GAB2: variants seen among roughly 807,000 people sequenced by gnomAD.
GAB2 encodes GRB2-associated-binding protein 2.
GAB2 carries 26 observed loss-of-function variants against 65.5 expected under a neutral mutation model. The observed-to-expected ratio is 0.40, with a 90% CI of 0.29 to 0.55. GAB2 has a LOEUF of 0.55. Among genes scored for constraint, GAB2 ranks in the 20% least tolerant of loss-of-function variants. The pLI is 0.53. For synonymous variants in GAB2, 321 were observed against 329.6 expected (o/e 0.97, Z 0.28); for missense variants, 884 against 875.8 (o/e 1.01, Z -0.12).
rs1565411112 is a variant in GAB2 at position 78,216,215 on chromosome 11, A to C, written c.*3057T>G. ...CATCTCCCTATTTCTCATCGTTCTC[A>C]CTTGACTTAACCTTGCAGAAGTGGA... On this transcript the variant is annotated 3_prime_UTR_variant, in exon 10 of 10. Coordinates refer to ENST00000361507, the MANE Select transcript of GAB2 (RefSeq NM_080491.3). 3.9e-5 allele frequency: 6 copies of C among 152,360 alleles called. No individual in the cohort carries two copies. 9.4% of individuals were successfully genotyped at this position (152,360 alleles called of 1,614,324 possible).
rs529287956 is a variant in GAB2, at chr11:78,365,613, T to A, written c.75+52033A>T. 3.9e-5 allele frequency among the ~76,000 whole-genome samples: 6 copies of A among 152,198 alleles called. 1 individual carries two copies. Among genetic ancestry groups the A allele is most frequent in the African/African-American group, 1.4e-4 (6 of 41,518 alleles). On this transcript the variant is annotated intron_variant, in intron 1 of 9. Transcript: ENST00000361507. ...AATGAAGTACAGTCACTGATTGGGA[T>A]TGATTGTTACTGTGGAGCTGGGTGG...
At chr11:78,239,870 TG>T (rs1865080257) in intron 3 of GAB2, among the ~76,000 whole-genome samples, 2 of 152,164 alleles carry the variant, frequency 1.3e-5, no homozygotes, top group Non-Finnish European at 2.9e-5. Flanking sequence ...ATCTTGGAAT[TG>T]GAACTATGGC....
chr11:78,406,830 C>T (rs1019643431), intron 1 of GAB2, among the ~76,000 whole-genome samples: 4 of 152,148 alleles, frequency 2.6e-5, no homozygotes, highest in East Asian at 3.9e-4. Context: ...CAGGTACAAA[C>T]ATGCTTGGAA....
intron 2 of GAB2, among the ~76,000 whole-genome samples, chr11:78,252,254 G>A (rs1343390206): frequency 1.3e-5 from 2 of 152,204 alleles, no homozygotes; most frequent in Admixed American, 1.3e-4. Flanking sequence ...AACAGAAAAA[G>A]CTGATGGGCC....
In GAB2 at chr11:78,401,505, CGTGTGTGTGT is replaced by C. The variant is rs34474918; in HGVS notation, c.75+16131_75+16140del. ...TTCCCTTTTAAGGCTGAACAGTATT[CGTGTGTGTGT>C]GTGTGTGTGTGTGTGTGTGTGTGTG... On this transcript the variant is annotated intron_variant, in intron 1 of 9. Coordinates refer to ENST00000361507, the MANE Select transcript of GAB2 (RefSeq NM_080491.3). Among the ~76,000 whole-genome samples the C allele has an allele frequency of 8.2e-4, 102 of 125,010 alleles. 1 individual carries two copies. The highest frequency in any genetic ancestry group is 2.6e-3 in the East Asian group (11 of 4,222). 82.0% of individuals were successfully genotyped at this position (125,010 alleles called of 152,430 possible).
At chr11:78,259,373 G>C (rs1180619757) in intron 2 of GAB2, among the ~76,000 whole-genome samples, 1 of 152,146 alleles carries the variant, frequency 6.6e-6, no homozygotes, top group Non-Finnish European at 1.5e-5. Flanking sequence ...AGTGCAGAGA[G>C]GATGACGAAA....
At chr11:78,339,370 T>C (rs931494358) in intron 1 of GAB2, among the ~76,000 whole-genome samples, 2 of 152,232 alleles carry the variant, frequency 1.3e-5, no homozygotes, top group African/African-American at 4.8e-5. Flanking sequence ...GGTTTCAAGA[T>C]GGTCACAAGT....
Position 78,226,709 on chromosome 11 carries a change from G to C in GAB2, c.963C>G (p.Leu321=), listed in dbSNP as rs1474063509. Residue 321 remains leucine, a synonymous_variant, in exon 4 of 10, where the codon CTC becomes CTG. Coordinates refer to ENST00000361507, the MANE Select transcript of GAB2 (RefSeq NM_080491.3). ...ATGTCCTAGGGATCTGGTAGGCTGAGAGTGGGGTGGCCGGAACATCCATAT... is the reference window on the plus strand; with the variant it reads ...ATGTCCTAGGGATCTGGTAGGCTGACAGTGGGGTGGCCGGAACATCCATAT... ...VDNMDVPATP[L]SAYQIPRTFT... The C allele has an allele frequency of 1.9e-6, 3 of 1,613,888 alleles. No homozygotes were observed. In the East Asian group the frequency reaches 6.7e-5, roughly 36 times the overall value.
intron 7 of GAB2, 115 bp downstream of exon 7, chr11:78,221,990 A>G: frequency 1.3e-6 from 1 of 765,264 alleles, no homozygotes; most frequent in South Asian, 1.5e-5. Context: ...ATGATCAGCT[A>G]ATGATAGCGT....
chr11:78,336,025 T>C, intron 1 of GAB2, among the ~76,000 whole-genome samples: 1 of 151,968 alleles, frequency 6.6e-6, no homozygotes, highest in East Asian at 1.9e-4. Context: ...TAAAAAATTA[T>C]TTTCCAGGTC....
chr11:78,314,652 CTTGCTTTCTCCCAGCTAG>C (rs1855564950), intron 1 of GAB2, among the ~76,000 whole-genome samples: 1 of 152,144 alleles, frequency 6.6e-6, no homozygotes, highest in Non-Finnish European at 1.5e-5. Flanking sequence ...ATAGAAGTAC[CTTGCTTTCTCCCAGCTAG>C]ATTACAATCA....
intron 3 of GAB2, among the ~76,000 whole-genome samples, chr11:78,240,049 C>G (rs1318573769): frequency 3.3e-5 from 5 of 152,012 alleles, no homozygotes; most frequent in Non-Finnish European, 5.9e-5. Context: ...GCTAATCCAC[C>G]TGCCCCTCTC....
chr11:78,304,527 T>C (rs1310225447), intron 1 of GAB2, among the ~76,000 whole-genome samples: 1 of 152,182 alleles, frequency 6.6e-6, no homozygotes, highest in African/African-American at 2.4e-5. Flanking sequence ...AATCTTAGAC[T>C]CTGGAGAGAC....
chr11:78,229,944 A>G (rs904530486), intron 3 of GAB2, among the ~76,000 whole-genome samples: 1 of 152,182 alleles, frequency 6.6e-6, no homozygotes, highest in African/African-American at 2.4e-5. Context: ...ACCTCTAAGC[A>G]TTGCTTAACT....
intron 2 of GAB2, among the ~76,000 whole-genome samples, chr11:78,261,943 C>G (rs1408587295): frequency 6.6e-6 from 1 of 152,140 alleles, no homozygotes. Flanking sequence ...AAATACATCA[C>G]TGTATTTTGA....
At chr11:78,360,063 G>A (rs1856413134) in intron 1 of GAB2, among the ~76,000 whole-genome samples, 1 of 152,176 alleles carries the variant, frequency 6.6e-6, no homozygotes, top group Non-Finnish European at 1.5e-5. Flanking sequence ...AAGAGACAGT[G>A]TGACCATGGG....
chr11:78,389,954 T>C (rs550761596), intron 1 of GAB2, among the ~76,000 whole-genome samples: 1 of 152,360 alleles, frequency 6.6e-6, no homozygotes, highest in South Asian at 2.1e-4. Context: ...GATAAGATAA[T>C]ACTTTGTTCT....
At chr11:78,231,331 T>C (rs951540979) in intron 3 of GAB2, among the ~76,000 whole-genome samples, 2 of 107,468 alleles carry the variant, frequency 1.9e-5, no homozygotes, top group Admixed American at 9.5e-5. Context: ...CGCGCGCGCG[T>C]GTGTGGTGTG....
chr11:78,403,540 A>G (rs1337248279), intron 1 of GAB2, among the ~76,000 whole-genome samples: 3 of 152,244 alleles, frequency 2.0e-5, no homozygotes, highest in Non-Finnish European at 4.4e-5. Flanking sequence ...CCATATGCAG[A>G]AGAATGAAAC....
Sources: gnomAD v4.1 joint callset for allele counts (sites outside exome capture counted in the v4.1 genomes callset) on GRCh38, gnomAD v4.1.1 for gene constraint, MANE v1.5 for transcripts, NCBI Gene and HGNC (gene_info 2026-07-23, HGNC 2026-07-21) for gene names.